TULP4: variants seen among roughly 807,000 people sequenced by gnomAD.
TULP4 encodes tubby-related protein 4.
In TULP4, 16 loss-of-function variants were observed where a neutral mutation model predicts 129.0. The ratio of observed to expected loss-of-function variants is 0.12; its 90% CI spans 0.08 to 0.19. The LOEUF (loss-of-function observed/expected upper bound fraction) is 0.19, where lower values mean the gene tolerates loss of function less well. Among genes scored for constraint, TULP4 ranks in the 10% least tolerant of loss-of-function variants. TULP4 has a pLI of 1.00. For missense variants in TULP4, 1,842 were observed against 2,059.1 expected, an observed-to-expected ratio of 0.89 and a Z score of 2.04; for synonymous variants, 998 against 854.0, an observed-to-expected ratio of 1.17 and a Z score of -2.94.
chr6:158,486,501 C>G (rs889895895), intron 8 of TULP4, among the ~76,000 whole-genome samples: 1 of 151,914 alleles, frequency 6.6e-6, no homozygotes, highest in Non-Finnish European at 1.5e-5. Flanking sequence ...TGCAGTGAGC[C>G]GAGATCGCGC....
At chr6:158,456,331 T>G (rs1357166503) in intron 5 of TULP4, among the ~76,000 whole-genome samples, 2 of 152,372 alleles carry the variant, frequency 1.3e-5, no homozygotes, top group Admixed American at 6.5e-5. Context: ...GTGGGCCACA[T>G]GCAGCCCAGG....
At chr6:158,448,638 G>A (rs976754075) in intron 3 of TULP4, among the ~76,000 whole-genome samples, 11 of 151,902 alleles carry the variant, frequency 7.2e-5, no homozygotes, top group African/African-American at 1.5e-4. Context: ...CTGCTTCTTC[G>A]TTTTCCAGAA....
At chr6:158,301,020 C>G (rs946472233) in intron 1 of TULP4, among the ~76,000 whole-genome samples, 1 of 152,168 alleles carries the variant, frequency 6.6e-6, no homozygotes, top group African/African-American at 2.4e-5. Context: ...GGTATGAGAT[C>G]TAATATGTGT....
At chr6:158,251,462 C>T (rs1583676200) in intron 1 of TULP4, among the ~76,000 whole-genome samples, 1 of 132,036 alleles carries the variant, frequency 7.6e-6, no homozygotes, top group African/African-American at 2.5e-5. Context: ...TTAATATAAA[C>T]TATTTTTTAT....
At chr6:158,404,737 C>G (rs1342274828) in intron 1 of TULP4, among the ~76,000 whole-genome samples, 2 of 146,584 alleles carry the variant, frequency 1.4e-5, no homozygotes, top group Non-Finnish European at 3.0e-5. Flanking sequence ...GATTGCACCA[C>G]TGCACTCCAG....
At chr6:158,342,159 G>A (rs750400551) in intron 1 of TULP4, among the ~76,000 whole-genome samples, 4 of 152,274 alleles carry the variant, frequency 2.6e-5, no homozygotes, top group South Asian at 2.1e-4. Flanking sequence ...CTCATGATCC[G>A]CCCATGTCGG....
At chr6:158,269,399 A>G (rs1205722933) in intron 1 of TULP4, among the ~76,000 whole-genome samples, 1 of 148,742 alleles carries the variant, frequency 6.7e-6, no homozygotes, top group African/African-American at 2.5e-5. Context: ...AAAAAAAAAA[A>G]AGGATTTTCC....
At position 158,502,239 on chromosome 6, in the gene TULP4, C is replaced by A. The variant is rs200458345; in HGVS notation, c.2576C>A (p.Pro859His). The A allele has an allele frequency of 3.1e-6, 5 of 1,587,708 alleles. No individual in the cohort carries two copies. Among genetic ancestry groups the A allele is most frequent in the Non-Finnish European group, 4.3e-6 (5 of 1,162,262 alleles). Residue 859 changes from proline to histidine, a missense_variant, in exon 13 of 14, where the codon CCC (proline) becomes CAC (histidine). This residue lies in a region of TULP4 where 1,089 missense variants were observed against 987.1 expected (regional missense o/e 1.10). Coordinates refer to ENST00000367097, the MANE Select transcript of TULP4 (RefSeq NM_020245.5). ...APPPPLPPPQPPVDVCLKKGD... is the reference protein window; with the variant it reads ...APPPPLPPPQHPVDVCLKKGD... ...CCGCCCCCTCTGCCGCCCCCACAGC[C>A]CCCAGTGGATGTGTGCTTGAAGAAG...
At chr6:158,262,510 G>A (rs1562498397) in intron 1 of TULP4, among the ~76,000 whole-genome samples, 2 of 152,324 alleles carry the variant, frequency 1.3e-5, no homozygotes, top group East Asian at 3.9e-4. Flanking sequence ...TGCAGGGACA[G>A]CTAGCTGCTG....
chr6:158,363,062 CA>C (rs11373437), intron 1 of TULP4, among the ~76,000 whole-genome samples: 44 of 88,008 alleles, frequency 5.0e-4, no homozygotes, highest in Admixed American at 7.0e-4. Context: ...GACTCCATCT[CA>C]AAAAAAAAAA....
intron 1 of TULP4, chr6:158,238,494 A>T (rs562771459): frequency 1.9e-4 from 66 of 354,422 alleles, no homozygotes; most frequent in African/African-American, 1.6e-3. Flanking sequence ...TGGCAGGGTC[A>T]TGGGACAATA....
At chr6:158,479,037 T>C (rs529694278) in intron 6 of TULP4, among the ~76,000 whole-genome samples, 21 of 152,244 alleles carry the variant, frequency 1.4e-4, no homozygotes, top group African/African-American at 3.8e-4. Context: ...CATCACCTCC[T>C]GTAATCCTCA....
At chr6:158,450,395 TC>T (rs5881263) in intron 4 of TULP4, among the ~76,000 whole-genome samples, 63,380 of 152,102 alleles carry the variant, frequency 0.42, 14,490 homozygotes, top group African/African-American at 0.62. Flanking sequence ...GTCTTCTCTT[TC>T]CTGTCACAGT....
intron 6 of TULP4, among the ~76,000 whole-genome samples, chr6:158,479,153 G>A (rs1999120): frequency 0.6 from 91,064 of 151,958 alleles, 27,908 homozygotes; most frequent in African/African-American, 0.73. Flanking sequence ...GACTCTGGAC[G>A]GAAGGGAAGG....
chr6:158,486,637 A>G (rs1216585050), intron 8 of TULP4, among the ~76,000 whole-genome samples: 1 of 152,194 alleles, frequency 6.6e-6, no homozygotes, highest in Non-Finnish European at 1.5e-5. Context: ...AGCGTTCCCC[A>G]GAATCTAATC....
intron 6 of TULP4, among the ~76,000 whole-genome samples, chr6:158,463,081 G>A (rs938469657): frequency 7.9e-5 from 12 of 152,060 alleles, no homozygotes; most frequent in Non-Finnish European, 1.6e-4. Flanking sequence ...TACCCTGTGT[G>A]TATCTCAAAA....
intron 6 of TULP4, among the ~76,000 whole-genome samples, chr6:158,462,747 C>CCTTT (rs1363763623): frequency 7.8e-6 from 1 of 127,852 alleles, no homozygotes; most frequent in African/African-American, 3.0e-5. Context: ...TTTTTTTTTC[C>CCTTT]TTTTTTTTTT....
In TULP4 at chr6:158,378,473, T is replaced by G. The variant is rs1046934891; in HGVS notation, c.253-34592T>G. 5.2e-5 allele frequency among the ~76,000 whole-genome samples: 4 copies of G among 76,458 alleles called. 1 individual carries two copies. The highest frequency in any genetic ancestry group is 1.4e-4 in the Non-Finnish European group (4 of 29,232). The allele number at this position is 76,458 out of a possible 152,430, so 50.2% of individuals were successfully genotyped here. On this transcript the variant is annotated intron_variant, in intron 1 of 13. Coordinates refer to ENST00000367097, the MANE Select transcript of TULP4 (RefSeq NM_020245.5). ...AGGATGGGGGAGCCAGTTTTTTTTT[T>G]TTTTTTTTTTTTGGTGGGGGTGGGG... is the stretch of plus-strand genomic sequence containing the variant.
At chr6:158,260,533 G>A (rs1046472539) in intron 1 of TULP4, among the ~76,000 whole-genome samples, 4 of 147,478 alleles carry the variant, frequency 2.7e-5, no homozygotes, top group Non-Finnish European at 4.4e-5. Context: ...CAGAGATCAC[G>A]CCACTGCACT....
Sources: allele counts gnomAD v4.1 joint callset (sites outside exome capture counted in the v4.1 genomes callset), GRCh38; gene constraint gnomAD v4.1.1; regional missense constraint gnomAD v4.1.1; transcripts MANE v1.5; gene names NCBI Gene and HGNC (gene_info 2026-07-23, HGNC 2026-07-21).